POU2F2: variants seen among roughly 807,000 people sequenced by gnomAD.
POU2F2 encodes POU domain, class 2, transcription factor 2.
Under a neutral mutation model 63.5 loss-of-function variants are expected in POU2F2, and 14 were observed. That is an observed-to-expected ratio of 0.22 (90% CI 0.15 to 0.34). The LOEUF is 0.34. Among genes scored for constraint, POU2F2 ranks in the 10% least tolerant of loss-of-function variants. The probability of loss-of-function intolerance (pLI) is 1.00; values close to 1 mark genes in which losing one functional copy is unlikely to be tolerated. For missense variants in POU2F2, 607 were observed against 815.2 expected, an observed-to-expected ratio of 0.74 and a Z score of 3.11; for synonymous variants, 306 against 348.6, an observed-to-expected ratio of 0.88 and a Z score of 1.36.
At chr19:42,164,570 CA>C (rs561131790) in intron 1 of POU2F2, among the ~76,000 whole-genome samples, 264 of 112,646 alleles carry the variant, frequency 2.3e-3, no homozygotes, top group Middle Eastern at 4.7e-3. Context: ...GACTCTGTCT[CA>C]AAAAAAAAAA....
intron 5 of POU2F2, among the ~76,000 whole-genome samples, chr19:42,100,122 C>T (rs1387885899): frequency 1.7e-4 from 17 of 99,052 alleles, no homozygotes; most frequent in East Asian, 3.3e-4. Context: ...TTTTGAGTCT[C>T]GCTCTGTCGC....
At chr19:42,105,992 C>CTTT (rs1297595091) in intron 5 of POU2F2, among the ~76,000 whole-genome samples, 4 of 141,640 alleles carry the variant, frequency 2.8e-5, no homozygotes, top group African/African-American at 1.0e-4. Context: ...TATATAGGAT[C>CTTT]TTTCTTTTTT....
intron 5 of POU2F2, among the ~76,000 whole-genome samples, chr19:42,115,047 G>A (rs948108555): frequency 1.3e-5 from 2 of 152,144 alleles, no homozygotes; most frequent in African/African-American, 4.8e-5. Context: ...CTACTCAGGA[G>A]GCTGAGGTGG....
chr19:42,186,188 G>A (rs935527244), intron 1 of POU2F2, among the ~76,000 whole-genome samples: 4 of 152,016 alleles, frequency 2.6e-5, no homozygotes, highest in Non-Finnish European at 5.9e-5. Context: ...AGCCGGGTGT[G>A]GTGGCGGGCG....
rs951617699 is a variant in POU2F2, at chr19:42,169,907, T to C, written c.-70+6056A>G. Among the ~76,000 whole-genome samples the C allele has an allele frequency of 5.9e-5, 9 of 151,876 alleles. No homozygotes were observed. The highest frequency in any genetic ancestry group is 2.2e-4 in the African/African-American group (9 of 41,330). On this transcript the variant is annotated intron_variant, in intron 1 of 6. Transcript: ENST00000524801. The surrounding 1 kb of genome is among the most constrained non-coding windows in gnomAD (Gnocchi z 4.3). ...CACACACCCTTGCTCATATGTGCCT[T>C]GCAGATGGGGAGGGGGCCGGGGTGT... is the stretch of plus-strand genomic sequence containing the variant.
chr19:42,109,182 G>A (rs898119403), intron 5 of POU2F2, among the ~76,000 whole-genome samples: 2 of 152,168 alleles, frequency 1.3e-5, no homozygotes, highest in Non-Finnish European at 2.9e-5. Context: ...CACTGAGGAG[G>A]AGCCCCAGAG....
chr19:42,153,189 C>G lies in POU2F2; in HGVS notation c.-9+7143G>C, dbSNP rs1015760928. 3.3e-5 allele frequency among the ~76,000 whole-genome samples: 5 copies of G among 152,178 alleles called. No individual in the cohort carries two copies. Among genetic ancestry groups the G allele is most frequent in the Non-Finnish European group, 7.3e-5 (5 of 68,028 alleles). On this transcript the variant is annotated intron_variant, in intron 2 of 6. Coordinates refer to the POU2F2 transcript ENST00000524801. The surrounding 1 kb of genome is among the most constrained non-coding windows in gnomAD (Gnocchi z 5.6). Reference sequence around the variant, plus strand: ...TGTGGTGTGCGAGCTGCCATGGACGCAGGGTGTGCATGTGTCCTCAGGCTC... The same window carrying G: ...TGTGGTGTGCGAGCTGCCATGGACGGAGGGTGTGCATGTGTCCTCAGGCTC...
intron 1 of POU2F2, 151 bp from the exon 2 acceptor site, chr19:42,122,727 C>A: frequency 1.4e-6 from 1 of 705,532 alleles, no homozygotes; most frequent in Non-Finnish European, 2.3e-6. Flanking sequence ...AGAGACATGT[C>A]CTCCGTTCTG....
At chr19:42,174,736 C>G (rs576795214) in intron 1 of POU2F2, among the ~76,000 whole-genome samples, 5 of 151,766 alleles carry the variant, frequency 3.3e-5, no homozygotes, top group African/African-American at 1.2e-4. Context: ...TACCCACCAG[C>G]CCCCCACTGC....
rs750389634 is a variant in POU2F2 at position 42,099,778 on chromosome 19, G to T, written c.413C>A (p.Pro138Gln). The part of the protein sequence containing the change: ...LLQLQQLVLV[P>Q]GHHLQPPAQF... ...AGCAGGTGGCTGGAGGTGGTGGCCT[G>T]GCACAAGCACCAGCTGCTGGAGCTG... is the stretch of plus-strand genomic sequence containing the variant. Residue 138 changes from proline to glutamine, a missense_variant, in exon 6 of 15, where the codon CCA (proline) becomes CAA (glutamine). Around this residue, in one of 7 missense-constraint regions of POU2F2, gnomAD observed 224 missense variants for 264.3 expected, o/e 0.85. Coordinates refer to ENST00000692977, the MANE Select transcript of POU2F2 (RefSeq NM_001394376.1). 6.3e-7 allele frequency: 1 copy of T among 1,585,888 alleles called. No homozygotes were observed. The highest frequency in any genetic ancestry group is 2.3e-5 in the East Asian group (1 of 43,564).
chr19:42,130,296 G>C (rs1383664220), intron 1 of POU2F2, among the ~76,000 whole-genome samples: 1 of 152,030 alleles, frequency 6.6e-6, no homozygotes, highest in African/African-American at 2.4e-5. Context: ...TGCTCACACA[G>C]AGTCACACAC....
At chr19:42,134,280 C>T (rs538451244), upstream of POU2F2, among the ~76,000 whole-genome samples, 3 of 152,282 alleles carry the variant, frequency 2.0e-5, no homozygotes, top group South Asian at 4.1e-4. Flanking sequence ...ACATCATCCA[C>T]GTCAGGAACA....
upstream of POU2F2, among the ~76,000 whole-genome samples, chr19:42,180,390 T>C (rs1428507376): frequency 6.6e-6 from 1 of 152,122 alleles, no homozygotes; most frequent in African/African-American, 2.4e-5. Context: ...AAAAAGGGTG[T>C]ATATAATGAC....
intron 4 of POU2F2, among the ~76,000 whole-genome samples, chr19:42,118,738 G>A (rs945045916): frequency 1.3e-5 from 2 of 152,248 alleles, no homozygotes; most frequent in Admixed American, 1.3e-4. Flanking sequence ...ACAGTGGTGG[G>A]AGAAGGCATG....
chr19:42,102,928 C>A (rs1337378795), intron 5 of POU2F2, among the ~76,000 whole-genome samples: 1 of 152,158 alleles, frequency 6.6e-6, no homozygotes, highest in Non-Finnish European at 1.5e-5. Flanking sequence ...CCCTCACCTG[C>A]CTACAAGTCC....
intron 1 of POU2F2, among the ~76,000 whole-genome samples, chr19:42,185,789 T>C (rs1276824752): frequency 6.6e-6 from 1 of 152,180 alleles, no homozygotes; most frequent in Non-Finnish European, 1.5e-5. Flanking sequence ...TAGGACACAA[T>C]TCCTGCCATC....
At chr19:42,142,812 C>T (rs2034156460) in intron 2 of POU2F2, among the ~76,000 whole-genome samples, 1 of 152,102 alleles carries the variant, frequency 6.6e-6, no homozygotes, top group Non-Finnish European at 1.5e-5. Flanking sequence ...GATCCTCCCT[C>T]CTCAGTCTCC....
At chr19:42,193,380 C>A (rs2035095446) in intron 1 of POU2F2, among the ~76,000 whole-genome samples, 1 of 152,150 alleles carries the variant, frequency 6.6e-6, no homozygotes, top group African/African-American at 2.4e-5. Context: ...TGGGTGGGCC[C>A]TTAAAGCAAT....
chr19:42,169,938 A>C lies in POU2F2; in HGVS notation c.-70+6025T>G, dbSNP rs2034726783. ...TGGGGAGGGGGCCGGGGTGTCAGCGAGCTCCTGTGTCACAAGGTTAATTTC... is the reference window on the plus strand; with the variant it reads ...TGGGGAGGGGGCCGGGGTGTCAGCGCGCTCCTGTGTCACAAGGTTAATTTC... On this transcript the variant is annotated intron_variant, in intron 1 of 6. Transcript: ENST00000524801. The surrounding 1 kb of genome is among the most constrained non-coding windows in gnomAD (Gnocchi z 4.3). 6.6e-6 allele frequency among the ~76,000 whole-genome samples: 1 copy of C among 151,552 alleles called. No individual in the cohort carries two copies. The highest frequency in any genetic ancestry group is 1.5e-5 in the Non-Finnish European group (1 of 67,942).
Sources: allele counts gnomAD v4.1 joint callset (sites outside exome capture counted in the v4.1 genomes callset), GRCh38; gene constraint gnomAD v4.1.1; regional missense constraint gnomAD v4.1.1; non-coding constraint Gnocchi (gnomAD v3.1); transcripts MANE v1.5; gene names NCBI Gene and HGNC (gene_info 2026-07-23, HGNC 2026-07-21).